Variants in SPP2 observed in about 807,000 individuals in gnomAD.
SPP2 encodes secreted phosphoprotein 2, also known as secreted phosphoprotein 24.
A neutral mutation model predicts 28.8 loss-of-function variants in SPP2; 34 were observed. The observed-to-expected ratio is 1.18, with a 90% CI of 0.90 to 1.57. The LOEUF is 1.57. Ranked by LOEUF, SPP2 falls within the 40% of genes most tolerant of loss-of-function variation. The pLI is 0.00. For synonymous variants in SPP2, 96 were observed against 89.4 expected (o/e 1.07, Z -0.42); for missense variants, 269 against 263.9 (o/e 1.02, Z -0.13).
At chr2:234,059,656 T>C (rs572609325) in intron 3 of SPP2, among the ~76,000 whole-genome samples, 1 of 152,300 alleles carries the variant, frequency 6.6e-6, no homozygotes, top group Non-Finnish European at 1.5e-5. Context: ...GATCCAGGGC[T>C]TACATACTGT....
At chr2:234,052,195 T>C (rs1693511890) in intron 2 of SPP2, among the ~76,000 whole-genome samples, 1 of 152,154 alleles carries the variant, frequency 6.6e-6, no homozygotes, top group Non-Finnish European at 1.5e-5. Context: ...TCACTTGCTC[T>C]GGATGTTGTG....
Position 234,066,540 on chromosome 2 carries a change from T to C in SPP2, c.452T>C (p.Phe151Ser), listed in dbSNP as rs139040392. ...ATGCCTGAATTTCTTTAGATGATTT[T>C]TGGGGACATGTTGGGATCTCATAAA... is the stretch of plus-strand genomic sequence containing the variant. ...SESYSSEEMI[F>S]GDMLGSHKWR... Residue 151 changes from phenylalanine (F) to serine (S), a missense_variant, in exon 5 of 8, where the codon TTT becomes TCT. Coordinates refer to ENST00000168148, the MANE Select transcript of SPP2 (RefSeq NM_006944.3). 1.7e-4 allele frequency: 273 copies of C among 1,612,554 alleles called. 1 individual carries two copies. In the African/African-American group the frequency reaches 2.5e-3, roughly 14 times the overall value.
At chr2:234,076,701 T>C (rs979164631) in intron 7 of SPP2, 144 bp from the exon 8 acceptor site, 2 of 152,242 alleles carry the variant, frequency 1.3e-5, no homozygotes, top group African/African-American at 4.8e-5. Flanking sequence ...ACAAACACCT[T>C]CATAGACCTG....
chr2:234,056,920 A>G (rs1239728615), intron 2 of SPP2, among the ~76,000 whole-genome samples: 1 of 151,992 alleles, frequency 6.6e-6, no homozygotes, highest in East Asian at 1.9e-4. Context: ...CCAAAACAAA[A>G]TGTTCTGCAT....
At chr2:234,067,030 T>C (rs1693835655) in intron 5 of SPP2, among the ~76,000 whole-genome samples, 194 bp from the exon 6 acceptor site, 1 of 152,238 alleles carries the variant, frequency 6.6e-6, no homozygotes, top group Non-Finnish European at 1.5e-5. Context: ...TGGCTTTTAA[T>C]ACAAAGTGGG....
intron 2 of SPP2, among the ~76,000 whole-genome samples, chr2:234,054,954 G>A (rs952899403): frequency 3.2e-4 from 48 of 152,194 alleles, no homozygotes; most frequent in African/African-American, 1.2e-3. Flanking sequence ...CAACCTCTTT[G>A]CATTTTTTGG....
rs200669802 is a variant in SPP2 at position 234,070,058 on chromosome 2, A to G, written c.*10+35A>G. The G allele has an allele frequency of 1.2e-5, 19 of 1,553,042 alleles. No homozygotes were observed. The Middle Eastern group carries it at 5.1e-4, about 41-fold the overall frequency. On this transcript the variant is annotated intron_variant, in intron 7 of 7. Transcript: ENST00000168148. ...TGCAGGTGCACACAAGTGTATTTAG[A>G]AATAGAAGCTACGTGGAGTGAACGC... is the stretch of plus-strand genomic sequence containing the variant.
chr2:234,071,414 G>A (rs1432922349), intron 7 of SPP2, among the ~76,000 whole-genome samples: 1 of 152,160 alleles, frequency 6.6e-6, no homozygotes, highest in Admixed American at 6.5e-5. Context: ...TAGAGACAGA[G>A]TCCTGGTTTA....
At chr2:234,076,154 G>A (rs573080380) in intron 7 of SPP2, among the ~76,000 whole-genome samples, 1 of 152,216 alleles carries the variant, frequency 6.6e-6, no homozygotes, top group African/African-American at 2.4e-5. Context: ...CTCCCTCAGA[G>A]TGTGAGCCTC....
At chr2:234,062,716 G>C (rs1288051933) in intron 4 of SPP2, among the ~76,000 whole-genome samples, 1 of 152,182 alleles carries the variant, frequency 6.6e-6, no homozygotes, top group Non-Finnish European at 1.5e-5. Flanking sequence ...GAAAGAAATG[G>C]ATTCTGGTTC....
chr2:234,053,558 T>G (rs1324292040), intron 2 of SPP2, among the ~76,000 whole-genome samples: 2 of 151,878 alleles, frequency 1.3e-5, no homozygotes, highest in African/African-American at 4.8e-5. Context: ...GGGACTCATA[T>G]TCTTAAATGT....
chr2:234,051,968 T>C (rs1259206325), intron 2 of SPP2, among the ~76,000 whole-genome samples: 2 of 152,218 alleles, frequency 1.3e-5, no homozygotes, highest in African/African-American at 4.8e-5. Context: ...TGCTACTCTG[T>C]AGAGCACATG....
chr2:234,066,425 A>T, intron 4 of SPP2, 108 bp from the exon 5 acceptor site: 2 of 856,550 alleles, frequency 2.3e-6, no homozygotes, highest in Non-Finnish European at 3.8e-6. Flanking sequence ...TTAAAAATGG[A>T]TTATATAACA....
chr2:234,066,290 T>G (rs550244726), intron 4 of SPP2, among the ~76,000 whole-genome samples: 1 of 152,352 alleles, frequency 6.6e-6, no homozygotes, highest in East Asian at 1.9e-4. Context: ...GAGTACATTC[T>G]CAGTCTAGGG....
chr2:234,060,825 C>G (rs1193018329), intron 4 of SPP2, among the ~76,000 whole-genome samples: 2 of 152,004 alleles, frequency 1.3e-5, no homozygotes, highest in Non-Finnish European at 2.9e-5. Context: ...AAATGGCCTT[C>G]AAGTAAAATT....
chr2:234,052,901 C>T (rs150335392), intron 2 of SPP2, among the ~76,000 whole-genome samples: 89 of 152,188 alleles, frequency 5.8e-4, no homozygotes, highest in African/African-American at 2.0e-3. Context: ...TGTGTATTAA[C>T]CATGTCTTCT....
At chr2:234,061,292 A>G (rs979947992) in intron 4 of SPP2, among the ~76,000 whole-genome samples, 2 of 152,184 alleles carry the variant, frequency 1.3e-5, no homozygotes, top group Admixed American at 1.3e-4. Context: ...TTGTCAGTCT[A>G]GGACAATGTG....
chr2:234,067,543 C>T (rs1303805809), intron 6 of SPP2, among the ~76,000 whole-genome samples: 8 of 152,012 alleles, frequency 5.3e-5, no homozygotes, highest in East Asian at 1.9e-4. Flanking sequence ...TTTGGGAGGC[C>T]GAGGCGGGCG....
intron 7 of SPP2, among the ~76,000 whole-genome samples, chr2:234,072,565 C>A (rs1277411689): frequency 6.6e-6 from 1 of 152,088 alleles, no homozygotes. Context: ...TCACTCAAAA[C>A]ATTTATTTTT....
Sources: allele counts gnomAD v4.1 joint callset (sites outside exome capture counted in the v4.1 genomes callset), GRCh38; gene constraint gnomAD v4.1.1; transcripts MANE v1.5; gene names NCBI Gene and HGNC (gene_info 2026-07-23, HGNC 2026-07-21).